Variants in SRBD1 observed in about 807,000 individuals in gnomAD.
The protein encoded by SRBD1 is S1 RNA-binding domain-containing protein 1.
In SRBD1, 88 loss-of-function variants were observed where a neutral mutation model predicts 115.3. The ratio of observed to expected loss-of-function variants is 0.76; its 90% CI spans 0.64 to 0.91. SRBD1 has a LOEUF of 0.91. Ranked by LOEUF, SRBD1 falls within the 40% of genes least tolerant of loss-of-function variation. SRBD1 has a pLI of 0.00. For missense variants in SRBD1, 1,385 were observed against 1,177.4 expected (o/e 1.18, Z -2.58); for synonymous variants, 509 against 407.7 (o/e 1.25, Z -2.99).
At chr2:45,426,722 G>C (rs1471046667) in intron 16 of SRBD1, among the ~76,000 whole-genome samples, 1 of 152,124 alleles carries the variant, frequency 6.6e-6, no homozygotes, top group Non-Finnish European at 1.5e-5. Context: ...GTCTGGAGTG[G>C]ACCCCCAGCA....
rs527850302 is a variant in SRBD1, at chr2:45,505,546, G to A, written c.1875-17215C>T. Among the ~76,000 whole-genome samples the A allele has an allele frequency of 1.2e-4, 18 of 152,292 alleles. No homozygotes were observed. In the South Asian group the frequency reaches 3.5e-3, roughly 30 times the overall value. Reference sequence around the variant, plus strand: ...TGGTCAAACTGGCTCCTTCTATGCAGAGAAGAAAATGGCCACCAAATTCTT... The same window carrying A: ...TGGTCAAACTGGCTCCTTCTATGCAAAGAAGAAAATGGCCACCAAATTCTT... On this transcript the variant is annotated intron_variant, in intron 14 of 20. Coordinates refer to ENST00000263736, the MANE Select transcript of SRBD1 (RefSeq NM_018079.5).
chr2:45,455,302 T>A (rs972871043), intron 16 of SRBD1, among the ~76,000 whole-genome samples: 5 of 151,918 alleles, frequency 3.3e-5, no homozygotes, highest in Non-Finnish European at 7.4e-5. Flanking sequence ...AAGCATTTTT[T>A]AAAAACTGTG....
chr2:45,610,174 T>C (rs1306689633), intron 1 of SRBD1, among the ~76,000 whole-genome samples: 1 of 151,974 alleles, frequency 6.6e-6, no homozygotes, highest in Non-Finnish European at 1.5e-5. Flanking sequence ...AATTTGGAGG[T>C]TGCTATGATG....
At chr2:45,442,536 G>C (rs1343061530) in intron 16 of SRBD1, among the ~76,000 whole-genome samples, 1 of 152,134 alleles carries the variant, frequency 6.6e-6, no homozygotes, top group Non-Finnish European at 1.5e-5. Context: ...AAGAATTCTG[G>C]AATTTAGAAA....
intron 14 of SRBD1, among the ~76,000 whole-genome samples, chr2:45,535,493 AT>A (rs1671738209): frequency 6.6e-6 from 1 of 151,940 alleles, no homozygotes; most frequent in Non-Finnish European, 1.5e-5. Context: ...TATACAACCT[AT>A]TTTATTTTCC....
intron 16 of SRBD1, among the ~76,000 whole-genome samples, chr2:45,449,406 C>T (rs1027401789): frequency 6.6e-6 from 1 of 152,122 alleles, no homozygotes; most frequent in African/African-American, 2.4e-5. Flanking sequence ...TCTAAAATCG[C>T]TTCATAAAAT....
At chr2:45,524,159 A>G (rs1387880238) in intron 14 of SRBD1, among the ~76,000 whole-genome samples, 1 of 152,050 alleles carries the variant, frequency 6.6e-6, no homozygotes, top group African/African-American at 2.4e-5. Flanking sequence ...TTCCTTGATC[A>G]GGTAAAAAGC....
chr2:45,443,754 C>G (rs557153530), intron 16 of SRBD1, among the ~76,000 whole-genome samples: 1 of 117,836 alleles, frequency 8.5e-6, no homozygotes, highest in East Asian at 2.6e-4. Context: ...CAAAGAAAAA[C>G]AAAACAACTC....
chr2:45,584,244 G>T (rs770221286), intron 5 of SRBD1, among the ~76,000 whole-genome samples: 7 of 152,194 alleles, frequency 4.6e-5, no homozygotes, highest in Non-Finnish European at 7.3e-5. Flanking sequence ...AGACAACCCT[G>T]CATGACAGTA....
At chr2:45,512,408 A>G (rs954994654) in intron 14 of SRBD1, among the ~76,000 whole-genome samples, 1 of 152,166 alleles carries the variant, frequency 6.6e-6, no homozygotes, top group East Asian at 1.9e-4. Context: ...CACTTACCCA[A>G]TGAAAAGAAA....
chr2:45,588,475 A>C, intron 4 of SRBD1, among the ~76,000 whole-genome samples: 1 of 152,134 alleles, frequency 6.6e-6, no homozygotes, highest in East Asian at 1.9e-4. Context: ...TCAAACCTGT[A>C]CCTTTTCCTG....
At position 45,413,189 on chromosome 2, in the gene SRBD1, G is replaced by A. The variant is rs757265463; in HGVS notation, c.2438C>T (p.Ala813Val). The A allele has an allele frequency of 6.2e-7, 1 of 1,613,980 alleles. No homozygotes were observed. The highest frequency in any genetic ancestry group is 2.2e-5 in the East Asian group (1 of 44,880). ...EKQGKKKSKT[A>V]VNVLLKPNPL... ...ATTTGGCTTCAGTAAAACATTCACTGCAGTTTTGCTCTTCTTTTTGCCCTG... is the reference window on the plus strand; with the variant it reads ...ATTTGGCTTCAGTAAAACATTCACTACAGTTTTGCTCTTCTTTTTGCCCTG... The change falls in exon 19 of 21, where the codon GCA (alanine) becomes GTA (valine). Residue 813 changes from alanine to valine, a missense_variant. Transcript: ENST00000263736.
chr2:45,551,296 A>C lies in SRBD1; in HGVS notation c.1518-14T>G, dbSNP rs1672291801. The C allele has an allele frequency of 1.3e-6, 2 of 1,580,332 alleles. No individual in the cohort carries two copies. Among genetic ancestry groups the C allele is most frequent in the South Asian group, 1.2e-5 (1 of 83,514 alleles). On this transcript the variant is annotated splice_polypyrimidine_tract_variant and intron_variant, in intron 11 of 20. Coordinates refer to ENST00000263736, the MANE Select transcript of SRBD1 (RefSeq NM_018079.5). ...GTTAGTTTGGCTCTTTAGAAATAGA[A>C]GAAAAGAAAAAGTTTTTCATTCACC...
At chr2:45,591,133 T>A (rs1302050212) in intron 4 of SRBD1, among the ~76,000 whole-genome samples, 1 of 152,080 alleles carries the variant, frequency 6.6e-6, no homozygotes, top group Non-Finnish European at 1.5e-5. Flanking sequence ...ATTTTAAAAA[T>A]CCCCAAATTG....
chr2:45,534,966 A>C (rs1377776514), intron 14 of SRBD1, among the ~76,000 whole-genome samples: 1 of 151,942 alleles, frequency 6.6e-6, no homozygotes, highest in Non-Finnish European at 1.5e-5. Context: ...AATCTCTACC[A>C]AAAATTCCCC....
intron 16 of SRBD1, among the ~76,000 whole-genome samples, chr2:45,473,442 T>A (rs1311325959): frequency 6.6e-6 from 1 of 152,210 alleles, no homozygotes; most frequent in Non-Finnish European, 1.5e-5. Flanking sequence ...CCATGTTATG[T>A]CTTTCCCTTC....
intron 6 of SRBD1, among the ~76,000 whole-genome samples, chr2:45,581,022 C>G (rs539854703): frequency 1.3e-5 from 2 of 152,176 alleles, no homozygotes; most frequent in Non-Finnish European, 2.9e-5. Context: ...TCCAACCCAC[C>G]ATCATCTGGC....
chr2:45,495,536 T>C (rs370644330), intron 14 of SRBD1, among the ~76,000 whole-genome samples: 4 of 152,330 alleles, frequency 2.6e-5, no homozygotes, highest in African/African-American at 9.6e-5. Context: ...CCCTCTTTTA[T>C]CTTTTTTCTC....
chr2:45,608,426 C>T (rs1209656756), intron 1 of SRBD1, among the ~76,000 whole-genome samples: 1 of 152,186 alleles, frequency 6.6e-6, no homozygotes, highest in East Asian at 1.9e-4. Flanking sequence ...CTACCTACGA[C>T]AGGTACACCC....
Sources: allele counts gnomAD v4.1 joint callset (sites outside exome capture counted in the v4.1 genomes callset), GRCh38; gene constraint gnomAD v4.1.1; transcripts MANE v1.5; gene names NCBI Gene and HGNC (gene_info 2026-07-23, HGNC 2026-07-21).